Variants in KYAT3 observed in about 807,000 individuals in gnomAD.
The protein encoded by KYAT3 is kynurenine--oxoglutarate transaminase 3.
KYAT3 carries 50 observed loss-of-function variants against 59.0 expected under a neutral mutation model. The observed-to-expected ratio is 0.85, with a 90% CI of 0.68 to 1.07. The LOEUF is 1.07. Ranked by LOEUF, KYAT3 falls within the 50% of genes least tolerant of loss-of-function variation. KYAT3 has a pLI of 0.00. For missense variants in KYAT3, 497 were observed against 533.3 expected, an observed-to-expected ratio of 0.93 and a Z score of 0.67; for synonymous variants, 148 against 177.0, an observed-to-expected ratio of 0.84 and a Z score of 1.30.
chr1:88,971,332 T>C (rs1676548111), intron 2 of KYAT3, among the ~76,000 whole-genome samples: 1 of 152,208 alleles, frequency 6.6e-6, no homozygotes, highest in African/African-American at 2.4e-5. Context: ...TTCTTCCTGC[T>C]TCCTCTTCCC....
chr1:88,952,812 T>G (rs1675736462), intron 10 of KYAT3, among the ~76,000 whole-genome samples: 1 of 152,194 alleles, frequency 6.6e-6, no homozygotes, highest in Non-Finnish European at 1.5e-5. Context: ...GTTGCCATTG[T>G]CCTTCACAGA....
At chr1:88,931,763 G>C (rs532529368), downstream of KYAT3, among the ~76,000 whole-genome samples, 1 of 150,680 alleles carries the variant, frequency 6.6e-6, no homozygotes, top group African/African-American at 2.4e-5. Context: ...TATCACCTGA[G>C]AGCACAATGG....
chr1:88,984,429 T>A (rs1328788323), intron 2 of KYAT3, among the ~76,000 whole-genome samples: 1 of 152,100 alleles, frequency 6.6e-6, no homozygotes, highest in Non-Finnish European at 1.5e-5. Context: ...GCCATGCTGG[T>A]ATGGAACTCC....
At chr1:88,974,056 C>T in intron 2 of KYAT3, among the ~76,000 whole-genome samples, 1 of 151,982 alleles carries the variant, frequency 6.6e-6, no homozygotes, top group East Asian at 1.9e-4. Context: ...ATAATAACTG[C>T]AAGAAAAGGC....
At chr1:88,960,448 A>G (rs767716212) in intron 8 of KYAT3, among the ~76,000 whole-genome samples, 2 of 152,148 alleles carry the variant, frequency 1.3e-5, no homozygotes, top group African/African-American at 2.4e-5. Context: ...GATATTTACT[A>G]TAGAGGAAAA....
the KYAT3 span, among the ~76,000 whole-genome samples, chr1:88,930,164 T>C: frequency 6.6e-6 from 1 of 152,224 alleles, no homozygotes; most frequent in Non-Finnish European, 1.5e-5. Context: ...TTGGCCTCAT[T>C]GTTTACTGGT....
At chr1:88,962,229 T>G in intron 5 of KYAT3, 84 bp from the exon 6 acceptor site, 1 of 1,019,904 alleles carries the variant, frequency 9.8e-7, no homozygotes, top group East Asian at 2.5e-5. Context: ...GGCTAGGCAC[T>G]GTACTATGTG....
chr1:88,934,989 ATTTTTTT>A (rs59691903), downstream of KYAT3, among the ~76,000 whole-genome samples: 11 of 110,102 alleles, frequency 1.0e-4, no homozygotes, highest in Admixed American at 5.1e-4. Flanking sequence ...TAAAGAAGTG[ATTTTTTT>A]TTTTTTTTTT....
In KYAT3 at chr1:88,983,061, G is replaced by C. The variant is rs370642339; in HGVS notation, c.99+5191C>G. Reference sequence around the variant, plus strand: ...TCTCTATCGCCATAGCCTCTTGATGGATAGTCATCACGTGAACTGGAATGA... The same window carrying C: ...TCTCTATCGCCATAGCCTCTTGATGCATAGTCATCACGTGAACTGGAATGA... On this transcript the variant is annotated intron_variant, in intron 2 of 13. Coordinates refer to ENST00000260508, the MANE Select transcript of KYAT3 (RefSeq NM_001008661.3). The C allele has an allele frequency of 8.7e-6, 14 of 1,612,416 alleles. No homozygotes were observed. The African/African-American group carries it at 1.9e-4, about 22-fold the overall frequency.
Position 88,936,013 on chromosome 1 carries a change from A to G in KYAT3, c.*170T>C. 2.0e-6 allele frequency: 1 copy of G among 512,572 alleles called. No homozygotes were observed. The highest frequency in any genetic ancestry group is 3.5e-6 in the Non-Finnish European group (1 of 284,506). The allele number at this position is 512,572 out of a possible 1,614,324, so 31.8% of individuals were successfully genotyped here. A position where few individuals can be genotyped will look rare whatever the true frequency, so the allele number is the denominator to read the frequency against. On this transcript the variant is annotated 3_prime_UTR_variant, in exon 14 of 14. Coordinates refer to ENST00000260508, the MANE Select transcript of KYAT3 (RefSeq NM_001008661.3). ...ACATTTCAACTGGAAAAAAAAGGTC[A>G]GATCCCCCGAAAATGTTGTTAGGAG...
At chr1:88,978,830 A>T (rs562278098) in intron 2 of KYAT3, among the ~76,000 whole-genome samples, 29 of 150,478 alleles carry the variant, frequency 1.9e-4, no homozygotes, top group Non-Finnish European at 3.7e-4. Flanking sequence ...TTTTTTTTCA[A>T]ACATTCATTT....
chr1:88,957,720 T>C (rs1675973523), intron 8 of KYAT3, among the ~76,000 whole-genome samples: 1 of 152,360 alleles, frequency 6.6e-6, no homozygotes. Flanking sequence ...TGCTTTACCC[T>C]GAAGGGCTTA....
chr1:88,961,210 A>G lies in KYAT3; in HGVS notation c.744T>C (p.Val248=). The G allele has an allele frequency of 6.2e-7, 1 of 1,613,696 alleles. No homozygotes were observed. The highest frequency in any genetic ancestry group is 8.5e-7 in the Non-Finnish European group (1 of 1,179,876). Residue 248 remains valine, a synonymous_variant, in exon 8 of 14, where the codon GTT becomes GTC. Coordinates refer to ENST00000260508, the MANE Select transcript of KYAT3 (RefSeq NM_001008661.3). ...KYDTLCISDE[V]YEWLVYSGNK... is the part of the protein sequence containing the mutation. ...TTCCAGAATATACAAGCCATTCATA[A>G]ACCTCATCGCTGATGCAGAGTGTGT...
At chr1:88,928,269 G>GA in the KYAT3 span, among the ~76,000 whole-genome samples, 3 of 151,980 alleles carry the variant, frequency 2.0e-5, no homozygotes, top group African/African-American at 7.2e-5. Flanking sequence ...GCAGACATTA[G>GA]AAAAAAACTT....
At position 88,984,204 on chromosome 1, in the gene KYAT3, C is replaced by CTT. The variant is rs908183722; in HGVS notation, c.99+4046_99+4047dup. The CTT allele has an allele frequency of 4.2e-3, 345 of 81,732 alleles. 37 individuals are homozygous for CTT. The highest frequency in any genetic ancestry group is 0.013 in the Middle Eastern group (1 of 80). 5.1% of individuals were successfully genotyped at this position (81,732 alleles called of 1,614,324 possible). On this transcript the variant is annotated intron_variant, in intron 2 of 13. Coordinates refer to ENST00000260508, the MANE Select transcript of KYAT3 (RefSeq NM_001008661.3). ...ATTAACAGGAGCCCTTTTTTTGTTG[C>CTT]TTTTTTTTTTTTTTTTTTTTTTTTT...
rs116102206 is a variant in KYAT3 at position 88,946,270 on chromosome 1, T to C, written c.1141+2821A>G. 8.3e-3 allele frequency among the ~76,000 whole-genome samples: 1,257 copies of C among 152,304 alleles called. 7 individuals are homozygous for C. Among genetic ancestry groups the C allele is most frequent in the African/African-American group, 0.028 (1,151 of 41,580 alleles). On this transcript the variant is annotated intron_variant, in intron 11 of 13. Coordinates refer to ENST00000260508, the MANE Select transcript of KYAT3 (RefSeq NM_001008661.3). ...CTCAAGTTAATGCTAATTACAATAC[T>C]ATGTGAACCTAGGTGACTGAAATAT...
At chr1:88,991,930 G>C (rs1039696165) in intron 1 of KYAT3, among the ~76,000 whole-genome samples, 1 of 151,918 alleles carries the variant, frequency 6.6e-6, no homozygotes. Flanking sequence ...ACAAATGTTG[G>C]ATTCTGCTAA....
intron 8 of KYAT3, among the ~76,000 whole-genome samples, chr1:88,959,636 T>C (rs1177192369): frequency 6.6e-6 from 1 of 152,046 alleles, no homozygotes; most frequent in Admixed American, 6.5e-5. Flanking sequence ...TTTTTAAAAT[T>C]TCAATAATCA....
rs576429500 is a variant in KYAT3, at chr1:88,974,810, T to A, written c.100-5343A>T. ...ACGCACCAAATCAGCACTCTGTGTCTAGCTAAAGGATTGTAAACACACCAA... is the reference window on the plus strand; with the variant it reads ...ACGCACCAAATCAGCACTCTGTGTCAAGCTAAAGGATTGTAAACACACCAA... On this transcript the variant is annotated intron_variant, in intron 2 of 13. Transcript: ENST00000260508. Among the ~76,000 whole-genome samples, 11 of 152,290 alleles carry A rather than the reference T, an allele frequency of 7.2e-5. No homozygotes were observed. In the South Asian group the frequency reaches 2.1e-3, roughly 29 times the overall value.
Sources: gnomAD v4.1 joint callset for allele counts (sites outside exome capture counted in the v4.1 genomes callset) on GRCh38, gnomAD v4.1.1 for gene constraint, MANE v1.5 for transcripts, NCBI Gene and HGNC (gene_info 2026-07-23, HGNC 2026-07-21) for gene names.